The following ITPRID1 variants were observed in gnomAD, a reference collection of about 807,000 sequenced individuals.
ITPRID1 encodes the protein ITPR interacting domain containing 1.
Under a neutral mutation model 95.4 loss-of-function variants are expected in ITPRID1, and 96 were observed. The ratio of observed to expected loss-of-function variants is 1.01; its 90% CI spans 0.85 to 1.19. The LOEUF is 1.19. Among genes scored for constraint, ITPRID1 ranks in the 50% most tolerant of loss-of-function variants. The pLI, the probability that ITPRID1 is intolerant of heterozygous loss-of-function variation, is 0.00. For missense variants in ITPRID1, 1,339 were observed against 1,252.9 expected (o/e 1.07, Z -1.04); for synonymous variants, 510 against 453.6 (o/e 1.12, Z -1.58).
intron 5 of ITPRID1, among the ~76,000 whole-genome samples, chr7:31,558,682 G>A (rs1315158997): frequency 6.6e-6 from 1 of 152,034 alleles, no homozygotes; most frequent in Non-Finnish European, 1.5e-5. Context: ...CTCAGAAAGA[G>A]GTATTTTTCA....
downstream of ITPRID1, among the ~76,000 whole-genome samples, chr7:31,657,101 T>A (rs1397945278): frequency 5.2e-4 from 1 of 1,910 alleles, no homozygotes; most frequent in South Asian, 9.4e-3. Flanking sequence ...ATGATATATA[T>A]AAAATATATA....
At chr7:31,631,139 A>G (rs570848647) in intron 10 of ITPRID1, among the ~76,000 whole-genome samples, 1 of 152,342 alleles carries the variant, frequency 6.6e-6, no homozygotes, top group Non-Finnish European at 1.5e-5. Flanking sequence ...TTTTAACATT[A>G]TAAGAAAATA....
In ITPRID1 at chr7:31,516,471, C is replaced by T. The variant is rs148391597; in HGVS notation, c.-98+2351C>T. On this transcript the variant is annotated intron_variant, in intron 1 of 14. Transcript: ENST00000615280. ...CTAATTTAAAACACCCTTGATATCC[C>T]GCAAATCTCAGAGAAATCCCAGGGA... 1.2e-3 allele frequency among the ~76,000 whole-genome samples: 187 copies of T among 152,170 alleles called. 1 individual carries two copies. The highest frequency in any genetic ancestry group is 4.0e-3 in the African/African-American group (165 of 41,522).
chr7:31,523,456 CAG>C (rs1447257320), intron 1 of ITPRID1, among the ~76,000 whole-genome samples: 2 of 152,198 alleles, frequency 1.3e-5, no homozygotes, highest in African/African-American at 2.4e-5. Context: ...ATTGGGTACT[CAG>C]AGATATCCAA....
intron 10 of ITPRID1, among the ~76,000 whole-genome samples, chr7:31,605,745 TC>T (rs1174382479): frequency 2.0e-5 from 3 of 152,330 alleles, no homozygotes; most frequent in African/African-American, 7.2e-5. Context: ...GTTGGCATTT[TC>T]CCCTTCTACT....
intron 10 of ITPRID1, among the ~76,000 whole-genome samples, chr7:31,599,980 G>A (rs913420049): frequency 2.6e-5 from 4 of 152,060 alleles, no homozygotes; most frequent in African/African-American, 9.7e-5. Flanking sequence ...TTACAGGCGT[G>A]AGCCACCGCA....
At chr7:31,620,366 G>A (rs2128175966) in intron 10 of ITPRID1, among the ~76,000 whole-genome samples, 1 of 152,010 alleles carries the variant, frequency 6.6e-6, no homozygotes, top group East Asian at 1.9e-4. Context: ...CCCCCAGTAG[G>A]GGCAGATTGA....
chr7:31,610,785 C>T lies in ITPRID1; in HGVS notation c.1228+27594C>T, dbSNP rs145632445. Among the ~76,000 whole-genome samples, 9 of 151,362 alleles carry T rather than the reference C, an allele frequency of 5.9e-5. No homozygotes were observed. In the East Asian group the frequency reaches 1.7e-3, roughly 29 times the overall value. ...TATAAAAATATAGCCATTCCAGCTA[C>T]GTTTTGGTTACTATTTGGATAATAT... On this transcript the variant is annotated intron_variant, in intron 10 of 14. Transcript: ENST00000615280.
chr7:31,618,036 A>G (rs1787436755), intron 10 of ITPRID1, among the ~76,000 whole-genome samples: 1 of 152,196 alleles, frequency 6.6e-6, no homozygotes, highest in Non-Finnish European at 1.5e-5. Flanking sequence ...TGTGGCATCC[A>G]TGGGATCCTA....
chr7:31,550,200 C>CT lies in ITPRID1; in HGVS notation c.-24+716dup, dbSNP rs60891720. ...TAGTGCATATACAGTTTTGCATCCTCTTTTTTTTTTTTTTTGGTTAAACGT... is the reference window on the plus strand; with the variant it reads ...TAGTGCATATACAGTTTTGCATCCTCTTTTTTTTTTTTTTTTGGTTAAACGT... On this transcript the variant is annotated intron_variant, in intron 2 of 14. Transcript: ENST00000615280. 4.4e-3 allele frequency among the ~76,000 whole-genome samples: 599 copies of CT among 136,928 alleles called. 4 individuals carry two copies. Among genetic ancestry groups the CT allele is most frequent in the South Asian group, 0.021 (91 of 4,290 alleles). The allele number at this position is 136,928 out of a possible 152,430, so 89.8% of individuals were successfully genotyped here.
In ITPRID1 at chr7:31,642,829, A is replaced by T; in HGVS notation, c.1459A>T (p.Ser487Cys). Residue 487 changes from serine (S) to cysteine (C), a missense_variant, in exon 12 of 15, where the codon AGC becomes TGC. By Grantham distance (112) the Ser-to-Cys change is moderately radical. Coordinates refer to ENST00000615280, the MANE Select transcript of ITPRID1 (RefSeq NM_001257967.3). ...AAGTAGGGCGAGCATGTCTTTTTCAAGCCAAGAAGCGAATGCCTTGGAACA... is the reference window on the plus strand; with the variant it reads ...AAGTAGGGCGAGCATGTCTTTTTCATGCCAAGAAGCGAATGCCTTGGAACA... ...SKSRASMSFSSQEANALEQRA... is the reference protein window; with the variant it reads ...SKSRASMSFSCQEANALEQRA... 1 of 1,613,872 alleles carries T rather than the reference A, an allele frequency of 6.2e-7. No homozygotes were observed. The highest frequency in any genetic ancestry group is 8.5e-7 in the Non-Finnish European group (1 of 1,179,812).
intron 5 of ITPRID1, among the ~76,000 whole-genome samples, chr7:31,555,868 GA>G (rs1451887706): frequency 6.6e-6 from 1 of 151,952 alleles, no homozygotes; most frequent in African/African-American, 2.4e-5. Flanking sequence ...ATGTATCATT[GA>G]AATTTCCCTT....
chr7:31,515,830 A>G (rs546433176), intron 1 of ITPRID1, among the ~76,000 whole-genome samples: 5 of 152,316 alleles, frequency 3.3e-5, no homozygotes, highest in Non-Finnish European at 7.3e-5. Flanking sequence ...AGGGAATGTG[A>G]AGAGAGAATG....
intron 10 of ITPRID1, among the ~76,000 whole-genome samples, chr7:31,607,324 T>A (rs1414651418): frequency 2.0e-5 from 3 of 152,146 alleles, no homozygotes; most frequent in African/African-American, 7.2e-5. Flanking sequence ...ACTGATGCTT[T>A]CGCTTTGATG....
intron 10 of ITPRID1, among the ~76,000 whole-genome samples, chr7:31,626,219 A>G (rs1788455088): frequency 6.6e-6 from 1 of 152,216 alleles, no homozygotes; most frequent in African/African-American, 2.4e-5. Flanking sequence ...TTAAAAAAGA[A>G]TCATAACATC....
chr7:31,582,492 C>T (rs1785438893), intron 9 of ITPRID1, among the ~76,000 whole-genome samples: 1 of 152,052 alleles, frequency 6.6e-6, no homozygotes, highest in African/African-American at 2.4e-5. Flanking sequence ...TTCAAGTGAT[C>T]CTCCCACCTT....
chr7:31,603,076 A>C (rs1309221727), intron 10 of ITPRID1, among the ~76,000 whole-genome samples: 3 of 152,044 alleles, frequency 2.0e-5, no homozygotes. Flanking sequence ...TGTCAGGTCC[A>C]TGTTGACCAT....
chr7:31,648,340 GAAGAAA>G (rs1790664625), intron 12 of ITPRID1, among the ~76,000 whole-genome samples: 1 of 152,034 alleles, frequency 6.6e-6, no homozygotes, highest in African/African-American at 2.4e-5. Context: ...AAAAGAAGAA[GAAGAAA>G]AAGAAGAAAT....
chr7:31,641,174 G>T lies in ITPRID1; in HGVS notation c.1229-1002G>T, dbSNP rs987020364. 2.6e-5 allele frequency among the ~76,000 whole-genome samples: 4 copies of T among 152,292 alleles called. No individual in the cohort carries two copies. In the South Asian group the frequency reaches 8.3e-4, roughly 32 times the overall value. On this transcript the variant is annotated intron_variant, in intron 10 of 14. Transcript: ENST00000615280. ...GTCCTTCAAGGTGAGGTCCAGCAGA[G>T]ATCTAAGCAGAGGCTGGGATCATTT...
Sources: gnomAD v4.1 joint callset for allele counts (sites outside exome capture counted in the v4.1 genomes callset) on GRCh38, gnomAD v4.1.1 for gene constraint, MANE v1.5 for transcripts, NCBI Gene and HGNC (gene_info 2026-07-23, HGNC 2026-07-21) for gene names.